The following SCN8A variants were observed in gnomAD, a reference collection of about 807,000 sequenced individuals.
SCN8A encodes the protein sodium voltage-gated channel alpha subunit 8.
In SCN8A, 30 loss-of-function variants were observed where a neutral mutation model predicts 184.1. That is an observed-to-expected ratio of 0.16 (90% CI 0.12 to 0.22). The LOEUF is 0.22. Among genes scored for constraint, SCN8A ranks in the 10% least tolerant of loss-of-function variants. The pLI is 1.00. For missense variants in SCN8A, 1,057 were observed against 2,498.9 expected, an observed-to-expected ratio of 0.42 and a Z score of 12.30; for synonymous variants, 852 against 907.0, an observed-to-expected ratio of 0.94 and a Z score of 1.09.
chr12:51,667,373 AT>A (rs1250943114), intron 2 of SCN8A, among the ~76,000 whole-genome samples: 54 of 146,184 alleles, frequency 3.7e-4, no homozygotes, highest in Middle Eastern at 3.5e-3. Flanking sequence ...ACTTACTATT[AT>A]TTTTTTTTTT....
intron 1 of SCN8A, among the ~76,000 whole-genome samples, chr12:51,618,458 AACACACACACACACACACACACACAC>A (rs56163627): frequency 5.8e-5 from 8 of 138,844 alleles, no homozygotes; most frequent in Middle Eastern, 6.8e-3. Flanking sequence ...ATACCAGAGC[AACACACACACACACACACACACACAC>A]ACACACACAC....
At chr12:51,690,326 G>C (rs146342976) in intron 6 of SCN8A, among the ~76,000 whole-genome samples, 2 of 152,106 alleles carry the variant, frequency 1.3e-5, no homozygotes, top group Non-Finnish European at 2.9e-5. Flanking sequence ...TCTTCCCCTT[G>C]TGGCTGACTC....
chr12:51,774,326 C>T lies in SCN8A; in HGVS notation c.3783C>T (p.Thr1261=). ...WTAYGFVKFF[T]NAWCWLDFLI... is the part of the protein sequence containing the mutation. ...CCTATGGCTTCGTCAAGTTCTTCAC[C>T]AATGCCTGGTGTTGGCTGGACTTCC... is the stretch of plus-strand genomic sequence containing the variant. The change falls in exon 20 of 27, where the codon ACC becomes ACT. Residue 1261 remains threonine (T), a synonymous_variant. Transcript: ENST00000627620. 1 of 1,613,092 alleles carries T rather than the reference C, an allele frequency of 6.2e-7. No homozygotes were observed. The highest frequency in any genetic ancestry group is 8.5e-7 in the Non-Finnish European group (1 of 1,179,374).
chr12:51,764,656 T>A (rs564402967), intron 15 of SCN8A, among the ~76,000 whole-genome samples: 11 of 151,818 alleles, frequency 7.2e-5, no homozygotes, highest in African/African-American at 2.2e-4. Context: ...AATAAATAAA[T>A]AAAAAATAAT....
At chr12:51,599,097 A>G (rs1939410224) in intron 1 of SCN8A, among the ~76,000 whole-genome samples, 1 of 152,188 alleles carries the variant, frequency 6.6e-6, no homozygotes. Flanking sequence ...CTTGAGAACT[A>G]TTGGTTCATT....
At chr12:51,799,722 G>A (rs747165618) in intron 26 of SCN8A, among the ~76,000 whole-genome samples, 10 of 152,288 alleles carry the variant, frequency 6.6e-5, no homozygotes, top group Non-Finnish European at 8.8e-5. Flanking sequence ...TAAATGGGCC[G>A]GAGTAACATA....
chr12:51,663,093 A>G lies in SCN8A; in HGVS notation c.276A>G (p.Lys92=), dbSNP rs940189587. 3.1e-6 allele frequency: 5 copies of G among 1,613,150 alleles called. No individual in the cohort carries two copies. The highest frequency in any genetic ancestry group is 4.2e-6 in the Non-Finnish European group (5 of 1,179,128). The part of the protein sequence containing the change: ...EDFDPYYLTQ[K]TFVVLNRGKT... ...TTGACCCATACTATTTGACGCAGAA[A>G]GTGAGTTGGAGGAGGAGGAGCAGCT... The change falls in exon 2 of 27, where the codon AAA becomes AAG. Residue 92 remains lysine (K), a splice_region_variant and synonymous_variant. Coordinates refer to ENST00000627620, the MANE Select transcript of SCN8A (RefSeq NM_001330260.2).
intron 18 of SCN8A, 76 bp from the exon 19 acceptor site, chr12:51,770,453 C>A: frequency 6.9e-7 from 1 of 1,459,106 alleles, no homozygotes; most frequent in Non-Finnish European, 9.2e-7. Context: ...CTGGCAGGGC[C>A]TGGGAGATGG....
At chr12:51,688,961 CTG>C in intron 5 of SCN8A, 42 bp from the exon 6 acceptor site, 1 of 1,583,914 alleles carries the variant, frequency 6.3e-7, no homozygotes, top group Non-Finnish European at 8.7e-7. Context: ...GTGTTTGTGT[CTG>C]TGTTTGTCAC....
chr12:51,745,835 A>G, intron 12 of SCN8A, 68 bp from the exon 13 acceptor site: 3 of 1,351,524 alleles, frequency 2.2e-6, no homozygotes, highest in South Asian at 1.6e-5. Context: ...CTGTGTATCA[A>G]GTAAGGCCCA....
At chr12:51,605,684 C>T (rs923972517) in intron 1 of SCN8A, among the ~76,000 whole-genome samples, 6 of 152,154 alleles carry the variant, frequency 3.9e-5, no homozygotes, top group African/African-American at 1.2e-4. Flanking sequence ...TTTTCCATAG[C>T]AGCTGTACTA....
At position 51,780,565 on chromosome 12, in the gene SCN8A, C is replaced by CTTTTTTTTTTTTTTTTTTT. The variant is rs528514747; in HGVS notation, c.3820-63_3820-45dup. On this transcript the variant is annotated intron_variant, in intron 20 of 26. Transcript: ENST00000627620. ...ACACTCTGGAACCTCTGTTTTCTTT[C>CTTTTTTTTTTTTTTTTTTT]TTTTTTTTTTTTTTTTTTTTTTTTT... 25 of 297,786 alleles carry CTTTTTTTTTTTTTTTTTTT rather than the reference C, an allele frequency of 8.4e-5. 9 individuals are homozygous for CTTTTTTTTTTTTTTTTTTT. Among genetic ancestry groups the CTTTTTTTTTTTTTTTTTTT allele is most frequent in the South Asian group, 3.4e-4 (4 of 11,740 alleles). The allele number at this position is 297,786 out of a possible 1,614,324, so 18.4% of individuals were successfully genotyped here.
In SCN8A at chr12:51,634,653, A is replaced by ATTT. The variant is rs1269981442; in HGVS notation, c.-54-28109_-54-28108insTTT. Among the ~76,000 whole-genome samples, 128 of 62,468 alleles carry ATTT rather than the reference A, an allele frequency of 2.0e-3. 2 individuals carry two copies. The highest frequency in any genetic ancestry group is 0.014 in the Middle Eastern group (2 of 148). The allele number at this position is 62,468 out of a possible 152,430, so 41.0% of individuals were successfully genotyped here. The stretch of plus-strand genomic sequence containing the variant: ...AATACGTATTATTATTATTATTATT[A>ATTT]TTATTTTTTTTTTTTGAGACTGAGT... On this transcript the variant is annotated intron_variant, in intron 1 of 26. Coordinates refer to ENST00000627620, the MANE Select transcript of SCN8A (RefSeq NM_001330260.2).
chr12:51,618,152 G>A (rs1939880594), intron 1 of SCN8A, among the ~76,000 whole-genome samples: 1 of 152,098 alleles, frequency 6.6e-6, no homozygotes, highest in Non-Finnish European at 1.5e-5. Flanking sequence ...CAAATGGCAA[G>A]ATACGGAGAG....
At chr12:51,792,439 A>G (rs921496059) in intron 25 of SCN8A, among the ~76,000 whole-genome samples, 2 of 143,274 alleles carry the variant, frequency 1.4e-5, no homozygotes, top group Non-Finnish European at 3.0e-5. Flanking sequence ...ATGGTAAGCT[A>G]TATCATGCCA....
intron 24 of SCN8A, among the ~76,000 whole-genome samples, chr12:51,790,022 CA>C (rs1464866694): frequency 3.9e-5 from 6 of 152,240 alleles, no homozygotes; most frequent in Non-Finnish European, 5.9e-5. Flanking sequence ...AGCCAGGACA[CA>C]AAGATCTTTT....
chr12:51,763,531 T>A (rs965863495), intron 15 of SCN8A, among the ~76,000 whole-genome samples: 1 of 152,236 alleles, frequency 6.6e-6, no homozygotes, highest in African/African-American at 2.4e-5. Context: ...AGCATCTGTA[T>A]TATATTGAAA....
rs1040264950 is a variant in SCN8A at position 51,747,657 on chromosome 12, C to T, written c.2131+1622C>T. 2.6e-5 allele frequency among the ~76,000 whole-genome samples: 4 copies of T among 152,290 alleles called. No homozygotes were observed. The East Asian group carries it at 7.7e-4, about 29-fold the overall frequency. On this transcript the variant is annotated intron_variant, in intron 13 of 26. Transcript: ENST00000627620. The stretch of plus-strand genomic sequence containing the variant: ...AAGTAGATGCTCAAACAATCTTTGT[C>T]AAGCAGGCATTGGCTGTGCTTAGAA...
intron 1 of SCN8A, among the ~76,000 whole-genome samples, chr12:51,603,410 A>T (rs776208724): frequency 2.6e-5 from 4 of 152,206 alleles, no homozygotes; most frequent in Admixed American, 6.5e-5. Flanking sequence ...TACATTGTAT[A>T]TAACAGTTTG....
Sources: allele counts gnomAD v4.1 joint callset (sites outside exome capture counted in the v4.1 genomes callset), GRCh38; gene constraint gnomAD v4.1.1; transcripts MANE v1.5; gene names NCBI Gene and HGNC (gene_info 2026-07-23, HGNC 2026-07-21).